HDAC8: variants seen among roughly 807,000 people sequenced by gnomAD.
The protein encoded by HDAC8 is histone deacetylase-like 1.
In HDAC8, 1 loss-of-function variant was observed where a neutral mutation model predicts 32.2. The observed-to-expected ratio is 0.03, with a 90% CI of 0.01 to 0.15. The LOEUF is 0.15. HDAC8 is among the 10% of genes least tolerant of loss of function. The pLI, the probability that HDAC8 is intolerant of heterozygous loss-of-function variation, is 1.00. For missense variants in HDAC8, 117 were observed against 300.0 expected (o/e 0.39, Z 4.51); for synonymous variants, 108 against 113.9 (o/e 0.95, Z 0.33).
intron 9 of HDAC8, among the ~76,000 whole-genome samples, chrX:72,387,333 G>A (rs1555961846): frequency 8.9e-6 from 1 of 112,212 alleles, no homozygotes; most frequent in Non-Finnish European, 1.9e-5. Flanking sequence ...GCTATCTCGT[G>A]CTTAAGGAGT....
At chrX:72,529,303 T>C (rs1377420054) in intron 4 of HDAC8, among the ~76,000 whole-genome samples, 1 of 112,099 alleles carries the variant, frequency 8.9e-6, no homozygotes, top group Non-Finnish European at 1.9e-5. Flanking sequence ...TAGCTTGCAT[T>C]ATGGGGGTGG....
intron 9 of HDAC8, among the ~76,000 whole-genome samples, chrX:72,452,493 A>G (rs1203587865): frequency 9.0e-6 from 1 of 111,559 alleles, no homozygotes; most frequent in African/African-American, 3.3e-5. Context: ...AAACAAAAAA[A>G]GAAGAACAAT....
At chrX:72,466,176 T>C (rs782095492) in intron 7 of HDAC8, among the ~76,000 whole-genome samples, 2 of 110,962 alleles carry the variant, frequency 1.8e-5, no homozygotes, top group African/African-American at 6.5e-5. Flanking sequence ...TCTAAAAAGG[T>C]TTCTAGCTTA....
In HDAC8 at chrX:72,429,018, TC is replaced by T. The variant is rs1207105392; in HGVS notation, c.1005+32985del. Among the ~76,000 whole-genome samples, 819 of 99,541 alleles carry T rather than the reference TC, an allele frequency of 8.2e-3. 10 individuals carry two copies. The highest frequency in any genetic ancestry group is 0.027 in the African/African-American group (770 of 28,134). 86.4% of individuals were successfully genotyped at this position (99,541 alleles called of 115,157 possible). On this transcript the variant is annotated intron_variant, in intron 9 of 10. Coordinates refer to ENST00000373573, the MANE Select transcript of HDAC8 (RefSeq NM_018486.3). ...TAAATGTTTGATTCCTTTCTTTCTT[TC>T]TTTCTTTTTTTTTTTTTGCTTCTTT...
chrX:72,460,493 C>G (rs2047838877), intron 9 of HDAC8, among the ~76,000 whole-genome samples: 1 of 111,630 alleles, frequency 9.0e-6, no homozygotes, highest in African/African-American at 3.3e-5. Context: ...GTGTTAGGCA[C>G]TTGACATACA....
At position 72,509,546 on chromosome X, in the gene HDAC8, C is replaced by T. The variant is rs187485810; in HGVS notation, c.438-14278G>A. On this transcript the variant is annotated intron_variant, in intron 4 of 10. Transcript: ENST00000373573. The stretch of plus-strand genomic sequence containing the variant: ...ATACACATAAAGTGGATTATTATTC[C>T]GCCTTTAAAAAGAAGGAAATCATGT... 3.5e-3 allele frequency among the ~76,000 whole-genome samples: 392 copies of T among 111,721 alleles called. 2 individuals carry two copies. The highest frequency in any genetic ancestry group is 8.0e-3 in the Admixed American group (84 of 10,519).
intron 4 of HDAC8, among the ~76,000 whole-genome samples, chrX:72,509,240 C>G (rs914930048): frequency 8.2e-5 from 9 of 110,033 alleles, no homozygotes; most frequent in Non-Finnish European, 1.7e-4. Flanking sequence ...TCCTGAGTAG[C>G]TGGGGTTATA....
chrX:72,346,196 C>T (rs1305515585), intron 10 of HDAC8, among the ~76,000 whole-genome samples: 2 of 111,178 alleles, frequency 1.8e-5, no homozygotes, highest in Non-Finnish European at 3.8e-5. Context: ...CAGCAGGGGA[C>T]AGGAAAGAGA....
chrX:72,428,024 A>T (rs2046699997), intron 9 of HDAC8, among the ~76,000 whole-genome samples: 1 of 112,287 alleles, frequency 8.9e-6, no homozygotes, highest in South Asian at 3.7e-4. Flanking sequence ...CAAATCCTGG[A>T]TCTGCCACTG....
intron 4 of HDAC8, among the ~76,000 whole-genome samples, chrX:72,520,049 C>T (rs1332879106): frequency 8.9e-6 from 1 of 112,084 alleles, no homozygotes; most frequent in Non-Finnish European, 1.9e-5. Context: ...TAGTCTGTAG[C>T]TTGTCTTTTA....
chrX:72,329,625 G>T lies in HDAC8; in HGVS notation c.*429C>A. ...GCTGATCAGTACCCTCTCTCCCAGG[G>T]CTCCACCTGGATGGTCCTGAGGCCC... On this transcript the variant is annotated 3_prime_UTR_variant, in exon 11 of 11. Transcript: ENST00000373573. 1 of 1,161,627 alleles carries T rather than the reference G, an allele frequency of 8.6e-7. No homozygotes were observed. The highest frequency in any genetic ancestry group is 1.2e-6 in the Non-Finnish European group (1 of 866,958).
At chrX:72,428,710 C>T (rs1225054979) in intron 9 of HDAC8, among the ~76,000 whole-genome samples, 2 of 111,523 alleles carry the variant, frequency 1.8e-5, no homozygotes, top group Non-Finnish European at 3.8e-5. Context: ...AAAAGCACTG[C>T]CTGCTGATAC....
At chrX:72,347,154 C>T (rs782474356) in intron 10 of HDAC8, among the ~76,000 whole-genome samples, 7 of 111,728 alleles carry the variant, frequency 6.3e-5, no homozygotes, top group Admixed American at 1.9e-4. Flanking sequence ...GCCAAGTCAC[C>T]TATCCTCCCT....
rs187766408 is a variant in HDAC8, at chrX:72,369,032, T to C, written c.1006-17194A>G. Among the ~76,000 whole-genome samples the C allele has an allele frequency of 4.5e-5, 5 of 111,207 alleles. No individual in the cohort carries two copies. In the East Asian group the frequency reaches 1.4e-3, roughly 32 times the overall value. On this transcript the variant is annotated intron_variant, in intron 9 of 10. Transcript: ENST00000373573. ...CTGACAATGTACCAGTGAGGCAAGG[T>C]GTAGGGTGACCTCGTCCAGGCTCTC...
chrX:72,456,469 TA>T (rs1555989644), intron 9 of HDAC8, among the ~76,000 whole-genome samples: 1 of 111,553 alleles, frequency 9.0e-6, no homozygotes, highest in Admixed American at 9.6e-5. Flanking sequence ...TGAAGTAATG[TA>T]ATACTATTTA....
chrX:72,498,798 T>C (rs1200043717), intron 4 of HDAC8, among the ~76,000 whole-genome samples: 2 of 111,809 alleles, frequency 1.8e-5, no homozygotes, highest in South Asian at 3.8e-4. Flanking sequence ...TACCCTCTCT[T>C]CTTTGAAAAT....
intron 4 of HDAC8, among the ~76,000 whole-genome samples, chrX:72,513,281 CTAGCACAGTGCT>C (rs1297351497): frequency 2.7e-5 from 3 of 111,839 alleles, no homozygotes; most frequent in Admixed American, 9.5e-5. Flanking sequence ...CCTTTGGTAC[CTAGCACAGTGCT>C]TAGCACATGC....
intron 9 of HDAC8, among the ~76,000 whole-genome samples, chrX:72,448,719 A>G (rs1322187655): frequency 8.9e-6 from 1 of 112,348 alleles, no homozygotes; most frequent in Non-Finnish European, 1.9e-5. Flanking sequence ...ATCTACAAGG[A>G]ACTTAAACAA....
At chrX:72,448,798 C>T (rs2047491415) in intron 9 of HDAC8, among the ~76,000 whole-genome samples, 1 of 112,556 alleles carries the variant, frequency 8.9e-6, no homozygotes, top group Non-Finnish European at 1.9e-5. Context: ...CTAAAGAAGA[C>T]ATTTATGTGG....
Sources: gnomAD v4.1 joint callset for allele counts (sites outside exome capture counted in the v4.1 genomes callset) on GRCh38, gnomAD v4.1.1 for gene constraint, MANE v1.5 for transcripts, NCBI Gene and HGNC (gene_info 2026-07-23, HGNC 2026-07-21) for gene names.